SOX5: variants seen among roughly 807,000 people sequenced by gnomAD.
SOX5 encodes the protein SRY-box transcription factor 5.
SOX5 carries 9 observed loss-of-function variants against 92.0 expected under a neutral mutation model. The observed-to-expected ratio is 0.10, with a 90% CI of 0.06 to 0.17. The LOEUF (loss-of-function observed/expected upper bound fraction) is 0.17. SOX5 is among the 10% of genes least tolerant of loss of function. The pLI, the probability that SOX5 is intolerant of heterozygous loss-of-function variation, is 1.00. For missense variants in SOX5, 642 were observed against 944.5 expected (o/e 0.68, Z 4.20); for synonymous variants, 344 against 336.3 (o/e 1.02, Z -0.25).
At chr12:23,706,562 C>T (rs557578582) in intron 6 of SOX5, among the ~76,000 whole-genome samples, 1 of 151,792 alleles carries the variant, frequency 6.6e-6, no homozygotes, top group East Asian at 1.9e-4. Flanking sequence ...ATAACTCCAG[C>T]TAGGTAAAAA....
chr12:23,699,191 A>G (rs1022239510), intron 6 of SOX5, among the ~76,000 whole-genome samples: 1 of 152,182 alleles, frequency 6.6e-6, no homozygotes, highest in African/African-American at 2.4e-5. Context: ...CTGCCTTGGC[A>G]TCCCTGAACC....
chr12:23,918,990 G>T (rs183294372), intron 1 of SOX5, among the ~76,000 whole-genome samples: 1 of 150,626 alleles, frequency 6.6e-6, no homozygotes, highest in Admixed American at 6.6e-5. Flanking sequence ...AGCCAAAATT[G>T]TATTTAAAAA....
intron 7 of SOX5, among the ~76,000 whole-genome samples, chr12:23,655,125 G>A (rs2082149467): frequency 1.3e-5 from 2 of 151,994 alleles, no homozygotes; most frequent in South Asian, 4.1e-4. Context: ...AGACCTTTCT[G>A]CATATAAAAA....
intron 1 of SOX5, among the ~76,000 whole-genome samples, chr12:23,912,492 C>A (rs1267884975): frequency 6.6e-6 from 1 of 152,148 alleles, no homozygotes; most frequent in Admixed American, 6.5e-5. Context: ...TTGGTAAATA[C>A]CCAAGACAAT....
chr12:24,295,048 G>T (rs950489422), intron 2 of SOX5, among the ~76,000 whole-genome samples: 7 of 151,860 alleles, frequency 4.6e-5, no homozygotes, highest in African/African-American at 9.7e-5. Context: ...TTCACCAAAA[G>T]TTTAGCACAG....
intron 4 of SOX5, among the ~76,000 whole-genome samples, chr12:23,961,897 T>C (rs910678369): frequency 2.0e-5 from 3 of 152,136 alleles, no homozygotes; most frequent in Non-Finnish European, 4.4e-5. Flanking sequence ...AGTTTAAATA[T>C]TACTTCCTCA....
intron 2 of SOX5, among the ~76,000 whole-genome samples, chr12:23,864,278 C>T (rs866376820): frequency 3.9e-5 from 6 of 152,046 alleles, no homozygotes; most frequent in Non-Finnish European, 8.8e-5. Flanking sequence ...TCCCTCTACT[C>T]GGGCGTCCCT....
chr12:24,263,527 CA>C (rs386375915), intron 3 of SOX5, among the ~76,000 whole-genome samples: 2 of 63,238 alleles, frequency 3.2e-5, no homozygotes, highest in African/African-American at 1.2e-4. Context: ...GACTCCGTCT[CA>C]AAAAAAAAAA....
At chr12:24,076,185 C>T (rs1259876987) in intron 4 of SOX5, among the ~76,000 whole-genome samples, 11 of 152,124 alleles carry the variant, frequency 7.2e-5, no homozygotes, top group Non-Finnish European at 1.3e-4. Flanking sequence ...TCTCTCTAAA[C>T]ATATAGTTTG....
At chr12:23,645,960 T>C (rs2080792056) in intron 7 of SOX5, among the ~76,000 whole-genome samples, 1 of 152,206 alleles carries the variant, frequency 6.6e-6, no homozygotes, top group Admixed American at 6.5e-5. Context: ...TAGACAAAAC[T>C]ATAGTCTATT....
At chr12:23,617,635 T>C (rs1242252642) in intron 8 of SOX5, among the ~76,000 whole-genome samples, 3 of 152,146 alleles carry the variant, frequency 2.0e-5, no homozygotes, top group African/African-American at 7.2e-5. Context: ...TGAACTTACT[T>C]AAATCTTAAG....
Position 24,138,360 on chromosome 12 carries a change from G to T in SOX5, c.-2+74983C>A, listed in dbSNP as rs749855874. Among the ~76,000 whole-genome samples the T allele has an allele frequency of 3.3e-5, 5 of 152,192 alleles. No homozygotes were observed. In the South Asian group the frequency reaches 8.3e-4, roughly 25 times the overall value. On this transcript the variant is annotated intron_variant, in intron 4 of 4. Coordinates refer to the SOX5 transcript ENST00000446891. ...CGCAGTTTGCATTTATTTTACAAGG[G>T]CTATATTGATCTTATACACAGAGAT...
chr12:24,454,413 C>A (rs1049762108), intron 1 of SOX5, among the ~76,000 whole-genome samples: 2 of 152,182 alleles, frequency 1.3e-5, no homozygotes, highest in African/African-American at 4.8e-5. Context: ...TTTCTACTTG[C>A]TTCTTTCTTA....
chr12:23,622,392 TA>T (rs1157616939), intron 8 of SOX5, among the ~76,000 whole-genome samples: 19 of 152,136 alleles, frequency 1.2e-4, no homozygotes, highest in Non-Finnish European at 2.8e-4. Flanking sequence ...TTAGCTTTTT[TA>T]AAAAAATCTA....
intron 4 of SOX5, among the ~76,000 whole-genome samples, chr12:24,138,078 T>C (rs1003529263): frequency 3.9e-5 from 6 of 152,242 alleles, no homozygotes; most frequent in African/African-American, 1.4e-4. Flanking sequence ...GGTATCATGC[T>C]ATTTTGGAGG....
intron 4 of SOX5, among the ~76,000 whole-genome samples, chr12:24,189,202 C>T (rs1956291942): frequency 6.6e-6 from 1 of 152,264 alleles, no homozygotes; most frequent in African/African-American, 2.4e-5. Context: ...ACTCAGCATC[C>T]AGAGTCTCTC....
chr12:23,636,024 C>T (rs2138580468), intron 8 of SOX5, among the ~76,000 whole-genome samples: 1 of 152,272 alleles, frequency 6.6e-6, no homozygotes, highest in East Asian at 1.9e-4. Flanking sequence ...AGGCATACAA[C>T]TACTGATGAG....
intron 2 of SOX5, among the ~76,000 whole-genome samples, chr12:24,329,648 A>G (rs76357471): frequency 0.014 from 2,195 of 152,352 alleles, 55 homozygotes; most frequent in African/African-American, 0.051. Context: ...ATACAAAAGC[A>G]TGATAAATTA....
chr12:23,723,113 C>G (rs1353840915), intron 6 of SOX5, among the ~76,000 whole-genome samples: 1 of 151,892 alleles, frequency 6.6e-6, no homozygotes, highest in Non-Finnish European at 1.5e-5. Flanking sequence ...GACAACGTAC[C>G]CTCTATCATG....
Sources: gnomAD v4.1 joint callset for allele counts (sites outside exome capture counted in the v4.1 genomes callset) on GRCh38, gnomAD v4.1.1 for gene constraint, MANE v1.5 for transcripts, NCBI Gene and HGNC (gene_info 2026-07-23, HGNC 2026-07-21) for gene names.